Variants in PTPRK observed in about 807,000 individuals in gnomAD.
PTPRK encodes protein tyrosine phosphatase receptor type K, also known as receptor-type tyrosine-protein phosphatase kappa.
Under a neutral mutation model 178.0 loss-of-function variants are expected in PTPRK, and 75 were observed. The observed-to-expected ratio is 0.42, with a 90% confidence interval of 0.35 to 0.51. PTPRK has a LOEUF of 0.51. Ranked by LOEUF, PTPRK falls within the 20% of genes least tolerant of loss-of-function variation. PTPRK has a pLI of 0.02. For missense variants in PTPRK, 1,441 were observed against 1,797.8 expected (o/e 0.80, Z 3.59); for synonymous variants, 637 against 620.6 (o/e 1.03, Z -0.39).
At chr6:128,328,526 G>A (rs1337823012) in intron 2 of PTPRK, among the ~76,000 whole-genome samples, 1 of 152,164 alleles carries the variant, frequency 6.6e-6, no homozygotes, top group Non-Finnish European at 1.5e-5. Context: ...AGTTTATGCT[G>A]CTTCCAAACA....
chr6:128,110,007 G>A (rs918100066), intron 7 of PTPRK, among the ~76,000 whole-genome samples: 1 of 152,078 alleles, frequency 6.6e-6, no homozygotes, highest in Non-Finnish European at 1.5e-5. Flanking sequence ...CTGGGCTTAA[G>A]CAATCCTCCT....
intron 1 of PTPRK, among the ~76,000 whole-genome samples, chr6:128,408,408 T>C (rs998774937): frequency 6.6e-6 from 1 of 151,894 alleles, no homozygotes; most frequent in Admixed American, 6.6e-5. Context: ...AAACAAAAAC[T>C]ACCCCTAATT....
chr6:128,288,940 T>C (rs1038852615), intron 3 of PTPRK, among the ~76,000 whole-genome samples: 2 of 152,114 alleles, frequency 1.3e-5, no homozygotes, highest in African/African-American at 4.8e-5. Context: ...TCTTTCTTAT[T>C]ACTGCATTGG....
intron 21 of PTPRK, among the ~76,000 whole-genome samples, chr6:127,988,300 CTTTTTTTTTTT>C (rs374249275): frequency 3.4e-5 from 4 of 117,668 alleles, no homozygotes; most frequent in Admixed American, 1.8e-4. Context: ...TTATGCTAAC[CTTTTTTTTTTT>C]TTTTTTTTTT....
At position 128,084,624 on chromosome 6, in the gene PTPRK, T is replaced by C. The variant is rs113144249; in HGVS notation, c.1466-800A>G. ...TTATTTGCAAATGTCATATAACTGG[T>C]CATACACAATGACAACACTGAATGA... On this transcript the variant is annotated intron_variant, in intron 8 of 29. Transcript: ENST00000368226. Among the ~76,000 whole-genome samples the C allele has an allele frequency of 2.7e-3, 410 of 152,290 alleles. 2 individuals are homozygous for C. Among genetic ancestry groups the C allele is most frequent in the African/African-American group, 9.4e-3 (391 of 41,564 alleles).
chr6:128,067,853 T>C (rs934615587), intron 11 of PTPRK, 61 bp from the exon 12 acceptor site: 1 of 1,410,188 alleles, frequency 7.1e-7, no homozygotes, highest in Non-Finnish European at 9.4e-7. Flanking sequence ...AGATTTAAGA[T>C]ACTAAGATTT....
At chr6:128,441,968 C>A (rs892146381) in intron 1 of PTPRK, among the ~76,000 whole-genome samples, 11 of 152,146 alleles carry the variant, frequency 7.2e-5, no homozygotes, top group Non-Finnish European at 1.3e-4. Flanking sequence ...AAAACTAAAT[C>A]TCCAGAGATC....
chr6:128,036,774 T>C (rs13217988), intron 13 of PTPRK, among the ~76,000 whole-genome samples: 36,690 of 151,474 alleles, frequency 0.24, 6,294 homozygotes, highest in African/African-American at 0.49. Flanking sequence ...TCGCTCTTGT[T>C]ACCCAGGCTG....
chr6:128,403,826 C>T (rs1050606049), intron 1 of PTPRK, among the ~76,000 whole-genome samples: 1 of 152,264 alleles, frequency 6.6e-6, no homozygotes, highest in Non-Finnish European at 1.5e-5. Flanking sequence ...GAAATACCTT[C>T]CTTTAGCGTA....
chr6:128,148,020 G>C (rs938832007), intron 7 of PTPRK, among the ~76,000 whole-genome samples: 1 of 152,108 alleles, frequency 6.6e-6, no homozygotes, highest in Admixed American at 6.6e-5. Context: ...TGAGTTGACT[G>C]CTAAACTTGA....
chr6:128,505,103 AC>A (rs1856122841), intron 1 of PTPRK, among the ~76,000 whole-genome samples: 1 of 145,154 alleles, frequency 6.9e-6, no homozygotes, highest in African/African-American at 2.5e-5. Flanking sequence ...TAAGAAATTT[AC>A]TTGTTTTTTT....
At chr6:128,302,539 A>T (rs1584024886) in intron 3 of PTPRK, among the ~76,000 whole-genome samples, 1 of 151,916 alleles carries the variant, frequency 6.6e-6, no homozygotes, top group Admixed American at 6.6e-5. Flanking sequence ...AAAGTCAATA[A>T]ATCTTTTAAA....
intron 3 of PTPRK, among the ~76,000 whole-genome samples, chr6:128,255,549 A>C (rs1817144867): frequency 1.3e-5 from 2 of 152,246 alleles, no homozygotes; most frequent in Non-Finnish European, 2.9e-5. Context: ...TGAAAACAGA[A>C]GGCCTTTGCC....
chr6:128,428,374 C>A (rs1251539757), intron 1 of PTPRK, among the ~76,000 whole-genome samples: 1 of 152,132 alleles, frequency 6.6e-6, no homozygotes, highest in Non-Finnish European at 1.5e-5. Context: ...GGTCTAAAGC[C>A]TATCGTTATC....
intron 3 of PTPRK, among the ~76,000 whole-genome samples, chr6:128,259,773 C>T (rs751730610): frequency 6.6e-6 from 1 of 152,122 alleles, no homozygotes; most frequent in Non-Finnish European, 1.5e-5. Context: ...AAGTATACTA[C>T]CTTTCTAGCA....
chr6:128,167,948 T>A (rs1799656643), intron 7 of PTPRK, among the ~76,000 whole-genome samples: 2 of 152,106 alleles, frequency 1.3e-5, no homozygotes, highest in African/African-American at 2.4e-5. Context: ...AACCTACTTT[T>A]AAATAAAAAT....
At chr6:128,190,315 CTCA>C (rs1221904725) in intron 6 of PTPRK, among the ~76,000 whole-genome samples, 7 of 152,034 alleles carry the variant, frequency 4.6e-5, no homozygotes, top group African/African-American at 1.7e-4. Flanking sequence ...AGCCAAACAA[CTCA>C]TCATAAATTT....
At chr6:128,282,942 A>G (rs1821907299) in intron 3 of PTPRK, among the ~76,000 whole-genome samples, 1 of 152,180 alleles carries the variant, frequency 6.6e-6, no homozygotes, top group Non-Finnish European at 1.5e-5. Context: ...GCAGAAAGAG[A>G]TTAGAGGGCA....
chr6:128,448,691 C>T (rs1847352370), intron 1 of PTPRK, among the ~76,000 whole-genome samples: 1 of 152,102 alleles, frequency 6.6e-6, no homozygotes, highest in African/African-American at 2.4e-5. Flanking sequence ...ATACCATTTA[C>T]AACTTAAACT....
Sources: allele counts gnomAD v4.1 joint callset (sites outside exome capture counted in the v4.1 genomes callset), GRCh38; gene constraint gnomAD v4.1.1; transcripts MANE v1.5; gene names NCBI Gene and HGNC (gene_info 2026-07-23, HGNC 2026-07-21).